The following SKAP1 variants were observed in gnomAD, a reference collection of about 807,000 sequenced individuals.
SKAP1 encodes the protein src kinase associated phosphoprotein 1.
In SKAP1, 44 loss-of-function variants were observed where a neutral mutation model predicts 58.5. The observed-to-expected ratio is 0.75, with a 90% CI of 0.59 to 0.97. SKAP1 has a LOEUF of 0.97. Among genes scored for constraint, SKAP1 ranks in the 50% least tolerant of loss-of-function variants. SKAP1 has a pLI of 0.00. For missense variants in SKAP1, 390 were observed against 435.2 expected (o/e 0.90, Z 0.92); for synonymous variants, 127 against 149.7 (o/e 0.85, Z 1.11).
At chr17:48,148,817 TA>T (rs891075173) in intron 11 of SKAP1, among the ~76,000 whole-genome samples, 5 of 151,196 alleles carry the variant, frequency 3.3e-5, no homozygotes, top group African/African-American at 1.2e-4. Flanking sequence ...CTGCTTCCTT[TA>T]AAAAAAAAGA....
At chr17:48,426,377 C>G (rs2067853669) in intron 1 of SKAP1, among the ~76,000 whole-genome samples, 1 of 152,194 alleles carries the variant, frequency 6.6e-6, no homozygotes, top group South Asian at 2.1e-4. Context: ...TATCAGCTAC[C>G]AGGGTAATGT....
intron 4 of SKAP1, among the ~76,000 whole-genome samples, chr17:48,198,047 G>A (rs1186644581): frequency 6.6e-6 from 1 of 152,210 alleles, no homozygotes; most frequent in Non-Finnish European, 1.5e-5. Context: ...TAGGTGTCAG[G>A]AGTTCATCTT....
At chr17:48,397,505 C>T (rs538035237) in intron 1 of SKAP1, among the ~76,000 whole-genome samples, 1 of 152,274 alleles carries the variant, frequency 6.6e-6, no homozygotes, top group South Asian at 2.1e-4. Context: ...GGATTACAGG[C>T]GTGAGCCACC....
chr17:48,254,858 T>G (rs1598475802), intron 4 of SKAP1, among the ~76,000 whole-genome samples: 1 of 152,128 alleles, frequency 6.6e-6, no homozygotes, highest in Non-Finnish European at 1.5e-5. Flanking sequence ...CAAATACAAT[T>G]CTAACATCAT....
chr17:48,443,704 G>A, the SKAP1 span, among the ~76,000 whole-genome samples: 2 of 152,102 alleles, frequency 1.3e-5, no homozygotes, highest in Non-Finnish European at 2.9e-5. Context: ...TCGAACTCCT[G>A]ACCTCAAGTG....
intron 1 of SKAP1, among the ~76,000 whole-genome samples, chr17:48,405,429 C>A (rs1424325306): frequency 1.3e-4 from 11 of 86,722 alleles, no homozygotes; most frequent in Non-Finnish European, 1.9e-4. Flanking sequence ...TTCTTTCTTT[C>A]TTTCTTTCTT....
Position 48,184,836 on chromosome 17 carries a change from TG to T in SKAP1, c.453del (p.Thr154ProfsTer27). The T allele has an allele frequency of 6.2e-7, 1 of 1,613,438 alleles. No homozygotes were observed. The highest frequency in any genetic ancestry group is 8.5e-7 in the Non-Finnish European group (1 of 1,179,650). ...TAGCCCTTAATGAGGAAGGTCCCTT[TG>T]GGCTGCTTGCCTGCAAGACAGGAAA... ...YYYANEKSKQ[P>X]KGTFLIKGYG... On this transcript the variant is annotated frameshift_variant, in exon 7 of 13. Coordinates refer to ENST00000336915, the MANE Select transcript of SKAP1 (RefSeq NM_003726.4). LOFTEE classifies it high-confidence loss of function.
intron 4 of SKAP1, among the ~76,000 whole-genome samples, chr17:48,260,942 T>C (rs115354045): frequency 6.6e-6 from 1 of 152,282 alleles, no homozygotes; most frequent in African/African-American, 2.4e-5. Flanking sequence ...TCTTCTTCTG[T>C]TCATCTTTTA....
At chr17:48,319,856 C>A (rs143427738) in intron 4 of SKAP1, among the ~76,000 whole-genome samples, 1 of 151,862 alleles carries the variant, frequency 6.6e-6, no homozygotes, top group Non-Finnish European at 1.5e-5. Context: ...AACAAACAAA[C>A]GAACAAACAA....
Position 48,285,759 on chromosome 17 carries a change from T to C in SKAP1, c.280+60146A>G, listed in dbSNP as rs184566343. ...ACAGCCATTATGTGCAATTCTGTGG[T>C]GAGAAAAGGAGACAGGAATTCTGAA... On this transcript the variant is annotated intron_variant, in intron 4 of 12. Coordinates refer to ENST00000336915, the MANE Select transcript of SKAP1 (RefSeq NM_003726.4). 1.3e-3 allele frequency among the ~76,000 whole-genome samples: 194 copies of C among 152,350 alleles called. 2 individuals are homozygous for C. The highest frequency in any genetic ancestry group is 7.3e-3 in the Admixed American group (112 of 15,300).
chr17:48,183,554 A>G (rs1469213879), intron 7 of SKAP1, among the ~76,000 whole-genome samples: 1 of 152,212 alleles, frequency 6.6e-6, no homozygotes, highest in Non-Finnish European at 1.5e-5. Context: ...CATAATGCTT[A>G]TTAATAGACA....
At chr17:48,323,731 C>A (rs937284935) in intron 4 of SKAP1, among the ~76,000 whole-genome samples, 1 of 151,836 alleles carries the variant, frequency 6.6e-6, no homozygotes, top group African/African-American at 2.4e-5. Context: ...AAGAACATAA[C>A]GAAGAGGGAG....
At chr17:48,365,056 C>G (rs2144404168) in intron 2 of SKAP1, among the ~76,000 whole-genome samples, 1 of 152,172 alleles carries the variant, frequency 6.6e-6, no homozygotes, top group East Asian at 1.9e-4. Context: ...GATGCTTACA[C>G]ACATTACTAC....
chr17:48,322,299 C>T (rs950872165), intron 4 of SKAP1, among the ~76,000 whole-genome samples: 1 of 152,180 alleles, frequency 6.6e-6, no homozygotes, highest in Non-Finnish European at 1.5e-5. Flanking sequence ...ACAGAGCTTG[C>T]ACAGGAAGAG....
intron 4 of SKAP1, among the ~76,000 whole-genome samples, chr17:48,336,103 C>A (rs1021541000): frequency 6.6e-6 from 1 of 152,134 alleles, no homozygotes; most frequent in Non-Finnish European, 1.5e-5. Flanking sequence ...GAATTCTGAT[C>A]TCTTTCAAGG....
chr17:48,299,436 C>T (rs956257928), intron 4 of SKAP1, among the ~76,000 whole-genome samples: 2 of 152,128 alleles, frequency 1.3e-5, no homozygotes, highest in Non-Finnish European at 2.9e-5. Flanking sequence ...GGAGGAAAAC[C>T]TCCAGATATC....
chr17:48,376,770 C>T (rs548784937), intron 2 of SKAP1, among the ~76,000 whole-genome samples: 5 of 152,150 alleles, frequency 3.3e-5, no homozygotes, highest in African/African-American at 9.6e-5. Context: ...CCAGTTTGGC[C>T]GAAATAATCA....
At chr17:48,219,406 C>T (rs760615512) in intron 4 of SKAP1, among the ~76,000 whole-genome samples, 7 of 152,214 alleles carry the variant, frequency 4.6e-5, no homozygotes, top group Admixed American at 4.6e-4. Flanking sequence ...AAATAAAGCA[C>T]CAGTTCTGCC....
At chr17:48,411,334 G>T (rs1430315493) in intron 1 of SKAP1, among the ~76,000 whole-genome samples, 1 of 151,990 alleles carries the variant, frequency 6.6e-6, no homozygotes, top group Non-Finnish European at 1.5e-5. Flanking sequence ...CAGAGGCAGA[G>T]GTTGCAGTGA....
Sources: gnomAD v4.1 joint callset for allele counts (sites outside exome capture counted in the v4.1 genomes callset) on GRCh38, gnomAD v4.1.1 for gene constraint, MANE v1.5 for transcripts, NCBI Gene and HGNC (gene_info 2026-07-23, HGNC 2026-07-21) for gene names.